The following RAD51B variants were observed in gnomAD, a reference collection of about 807,000 sequenced individuals.
The protein encoded by RAD51B is DNA repair protein RAD51 homolog 2.
A neutral mutation model predicts 42.2 loss-of-function variants in RAD51B; 38 were observed. That is an observed-to-expected ratio of 0.90 (90% CI 0.70 to 1.18). The LOEUF is 1.18. RAD51B is among the 50% of genes most tolerant of loss of function. The probability of loss-of-function intolerance (pLI) is 0.00; values close to 1 mark genes in which losing one functional copy is unlikely to be tolerated. For synonymous variants in RAD51B, 154 were observed against 145.2 expected, an observed-to-expected ratio of 1.06 and a Z score of -0.43; for missense variants, 373 against 400.7, an observed-to-expected ratio of 0.93 and a Z score of 0.59.
chr14:67,885,224 A>T (rs185953412), intron 5 of RAD51B, among the ~76,000 whole-genome samples: 10 of 152,322 alleles, frequency 6.6e-5, no homozygotes, highest in African/African-American at 2.2e-4. Context: ...TCCATATCTT[A>T]TAATATGAAT....
intron 7 of RAD51B, among the ~76,000 whole-genome samples, chr14:67,965,748 C>G (rs977714798): frequency 6.6e-6 from 1 of 152,124 alleles, no homozygotes; most frequent in African/African-American, 2.4e-5. Flanking sequence ...TTGATCATGC[C>G]TTTCCTTGCC....
At position 68,261,658 on chromosome 14, in the gene RAD51B, T is replaced by C. The variant is rs554985904; in HGVS notation, c.757-30226T>C. On this transcript the variant is annotated intron_variant, in intron 7 of 10. Coordinates refer to ENST00000471583, the MANE Select transcript of RAD51B (RefSeq NM_133510.4). ...GTTTAAGGGATTTTCCAGGGTAATT[T>C]TGACCGCGTAAAATTTGCCTTACAT... Among the ~76,000 whole-genome samples, 81 of 152,310 alleles carry C rather than the reference T, an allele frequency of 5.3e-4. No homozygotes were observed. The South Asian group carries it at 8.5e-3, about 16-fold the overall frequency.
chr14:68,387,440 G>A (rs761987420), intron 8 of RAD51B, among the ~76,000 whole-genome samples: 3 of 152,154 alleles, frequency 2.0e-5, no homozygotes, highest in Non-Finnish European at 4.4e-5. Context: ...TAAGATGATG[G>A]CACGTTTTTG....
intron 10 of RAD51B, among the ~76,000 whole-genome samples, chr14:68,647,251 C>A (rs1260439109): frequency 6.6e-6 from 1 of 152,140 alleles, no homozygotes; most frequent in Admixed American, 6.5e-5. Context: ...CCTCTTATTG[C>A]TACTGCATGT....
chr14:68,202,604 C>T (rs555909635), intron 7 of RAD51B, among the ~76,000 whole-genome samples: 67 of 87,154 alleles, frequency 7.7e-4, no homozygotes, highest in African/African-American at 1.6e-3. Context: ...TTTTTTGAGA[C>T]GGAGTTTTGC....
intron 8 of RAD51B, among the ~76,000 whole-genome samples, chr14:68,359,364 G>T (rs2082972715): frequency 6.6e-6 from 1 of 152,114 alleles, no homozygotes; most frequent in African/African-American, 2.4e-5. Flanking sequence ...TAGCTCAGGG[G>T]CAAGTAGGGC....
At position 68,590,775 on chromosome 14, in the gene RAD51B, T is replaced by C. The variant is rs965397383; in HGVS notation, c.1037-3710T>C. Among the ~76,000 whole-genome samples, 31 of 152,340 alleles carry C rather than the reference T, an allele frequency of 2.0e-4. No individual in the cohort carries two copies. The South Asian group carries it at 3.9e-3, about 19-fold the overall frequency. On this transcript the variant is annotated intron_variant, in intron 10 of 10. Coordinates refer to the RAD51B transcript ENST00000487270. ...GGCAATGATGCCGAATCACCTGTTATGGCATTTTCATAATTCAGCTAACCA... is the reference window on the plus strand; with the variant it reads ...GGCAATGATGCCGAATCACCTGTTACGGCATTTTCATAATTCAGCTAACCA...
chr14:68,622,209 C>G (rs554402756), intron 10 of RAD51B, among the ~76,000 whole-genome samples: 5 of 152,324 alleles, frequency 3.3e-5, no homozygotes, highest in Admixed American at 2.0e-4. Flanking sequence ...AGAATCCTCA[C>G]TTGGGATTAG....
At chr14:68,048,936 T>C (rs1411259749) in intron 7 of RAD51B, among the ~76,000 whole-genome samples, 1 of 152,152 alleles carries the variant, frequency 6.6e-6, no homozygotes, top group African/African-American at 2.4e-5. Context: ...CTATTCACAA[T>C]AGCAAAGACT....
intron 4 of RAD51B, among the ~76,000 whole-genome samples, chr14:67,847,891 C>T (rs1267757390): frequency 6.6e-6 from 1 of 152,082 alleles, no homozygotes; most frequent in Non-Finnish European, 1.5e-5. Context: ...TTGAAGCCCC[C>T]CCCCATTTTT....
intron 7 of RAD51B, among the ~76,000 whole-genome samples, chr14:68,021,807 A>G (rs1370950390): frequency 6.6e-6 from 1 of 152,190 alleles, no homozygotes; most frequent in Non-Finnish European, 1.5e-5. Context: ...ATTATGTCTA[A>G]AAAATGTACA....
intron 10 of RAD51B, among the ~76,000 whole-genome samples, chr14:68,581,583 A>T (rs531314197): frequency 6.6e-6 from 1 of 152,332 alleles, no homozygotes; most frequent in South Asian, 2.1e-4. Context: ...CATACTGCCC[A>T]TAGTAATTTG....
At position 68,193,375 on chromosome 14, in the gene RAD51B, T is replaced by C. The variant is rs984191833; in HGVS notation, c.757-98509T>C. Among the ~76,000 whole-genome samples, 3 of 152,198 alleles carry C rather than the reference T, an allele frequency of 2.0e-5. No homozygotes were observed. The South Asian group carries it at 6.2e-4, about 31-fold the overall frequency. On this transcript the variant is annotated intron_variant, in intron 7 of 10. Coordinates refer to ENST00000471583, the MANE Select transcript of RAD51B (RefSeq NM_133510.4). ...GTACCTTGTATTTTAATTGATTTTGTACATGTTTTTTCCCTCAACAAGAAG... is the reference window on the plus strand; with the variant it reads ...GTACCTTGTATTTTAATTGATTTTGCACATGTTTTTTCCCTCAACAAGAAG...
intron 11 of RAD51B, among the ~76,000 whole-genome samples, chr14:68,672,202 C>A (rs868586364): frequency 6.6e-6 from 1 of 152,200 alleles, no homozygotes; most frequent in African/African-American, 2.4e-5. Flanking sequence ...CCTCCTGTAA[C>A]CCCTGGAACT....
intron 7 of RAD51B, among the ~76,000 whole-genome samples, chr14:68,217,564 T>C (rs2140956369): frequency 6.6e-6 from 1 of 152,284 alleles, no homozygotes; most frequent in African/African-American, 2.4e-5. Flanking sequence ...AGAATTGTGG[T>C]ATGGGGGGAA....
chr14:68,390,498 AAGTAAATATTCCTATTAGTC>A (rs1284443533), intron 8 of RAD51B, among the ~76,000 whole-genome samples: 1 of 152,216 alleles, frequency 6.6e-6, no homozygotes, highest in Non-Finnish European at 1.5e-5. Flanking sequence ...GGGATGAGAG[AAGTAAATATTCCTATTAGTC>A]AGTAAGGTTT....
At chr14:68,186,261 T>C (rs1474134965) in intron 7 of RAD51B, among the ~76,000 whole-genome samples, 1 of 152,156 alleles carries the variant, frequency 6.6e-6, no homozygotes, top group Non-Finnish European at 1.5e-5. Flanking sequence ...ATAAGAATCC[T>C]AGAAGAAAAC....
chr14:68,032,014 C>T (rs1595288799), intron 7 of RAD51B, among the ~76,000 whole-genome samples: 1 of 145,408 alleles, frequency 6.9e-6, no homozygotes, highest in East Asian at 1.9e-4. Context: ...TGATTATGAG[C>T]ATGGACTTTA....
At chr14:68,209,120 A>T (rs527596024) in intron 7 of RAD51B, among the ~76,000 whole-genome samples, 1 of 152,178 alleles carries the variant, frequency 6.6e-6, no homozygotes, top group East Asian at 1.9e-4. Flanking sequence ...CATCCTTCAC[A>T]TTGCAAGACT....
Sources: allele counts gnomAD v4.1 joint callset (sites outside exome capture counted in the v4.1 genomes callset), GRCh38; gene constraint gnomAD v4.1.1; transcripts MANE v1.5; gene names NCBI Gene and HGNC (gene_info 2026-07-23, HGNC 2026-07-21).